Variants in CCDC171 observed in about 807,000 individuals in gnomAD.
The protein encoded by CCDC171 is coiled-coil domain containing 171.
Under a neutral mutation model 168.2 loss-of-function variants are expected in CCDC171, and 177 were observed. That is an observed-to-expected ratio of 1.05 (90% CI 0.93 to 1.19). CCDC171 has a LOEUF of 1.19. CCDC171 is among the 50% of genes most tolerant of loss of function. CCDC171 has a pLI of 0.00. For missense variants in CCDC171, 1,991 were observed against 1,539.0 expected (o/e 1.29, Z -4.91); for synonymous variants, 687 against 540.8 (o/e 1.27, Z -3.75).
In CCDC171 at chr9:15,646,563, C is replaced by T. The variant is rs372639021; in HGVS notation, c.823-10564C>T. 4.7e-4 allele frequency among the ~76,000 whole-genome samples: 72 copies of T among 151,960 alleles called. 1 individual carries two copies. Among genetic ancestry groups the T allele is most frequent in the African/African-American group, 1.6e-3 (68 of 41,436 alleles). On this transcript the variant is annotated intron_variant, in intron 7 of 25. Transcript: ENST00000380701. ...AATGAAGGGATGGAGGAAGATCTAC[C>T]AAGAAAATGGAAAAGAAAAAAAGTG...
intron 24 of CCDC171, among the ~76,000 whole-genome samples, chr9:15,895,584 A>T (rs1413266441): frequency 6.6e-6 from 1 of 152,098 alleles, no homozygotes; most frequent in Non-Finnish European, 1.5e-5. Flanking sequence ...AAGCAGCTCT[A>T]ATAATCTTCA....
At chr9:15,843,657 T>G (rs1450463511) in intron 21 of CCDC171, among the ~76,000 whole-genome samples, 1 of 152,124 alleles carries the variant, frequency 6.6e-6, no homozygotes, top group Non-Finnish European at 1.5e-5. Context: ...CTTATCTTCC[T>G]TTCTACCTAA....
rs763305436 is a variant in CCDC171, at chr9:15,744,461, C to T, written c.2238C>T (p.Cys746=). ...GALYPLYSRS[C]ALSTQRDFLQ... ...TATATCCCCTCTATAGCCGATCATGCGCCTTGTCTACACAGAGAGATTTTC... is the reference window on the plus strand; with the variant it reads ...TATATCCCCTCTATAGCCGATCATGTGCCTTGTCTACACAGAGAGATTTTC... The change falls in exon 17 of 26, where the codon TGC becomes TGT. Residue 746 remains cysteine, a synonymous_variant. Transcript: ENST00000380701. The T allele has an allele frequency of 4.0e-5, 65 of 1,613,942 alleles. No homozygotes were observed. The highest frequency in any genetic ancestry group is 4.7e-5 in the Non-Finnish European group (55 of 1,180,008).
chr9:15,558,133 G>A (rs1460234146), intron 1 of CCDC171, among the ~76,000 whole-genome samples: 1 of 152,050 alleles, frequency 6.6e-6, no homozygotes, highest in African/African-American at 2.4e-5. Context: ...TGCTGGATTT[G>A]GTTTGCCAGT....
At chr9:15,637,517 A>G (rs200575262) in intron 7 of CCDC171, among the ~76,000 whole-genome samples, 13 of 151,554 alleles carry the variant, frequency 8.6e-5, no homozygotes, top group Non-Finnish European at 1.8e-4. Context: ...TGTGCACAAT[A>G]TGCCGGTTAG....
chr9:15,932,078 A>C (rs963858353), intron 25 of CCDC171, among the ~76,000 whole-genome samples: 3 of 151,894 alleles, frequency 2.0e-5, no homozygotes, highest in African/African-American at 7.2e-5. Flanking sequence ...TGTTTTGGCT[A>C]TTCAGGGTTT....
rs181966028 is a variant in CCDC171 at position 15,691,818 on chromosome 9, C to G, written c.1216-3417C>G. Among the ~76,000 whole-genome samples, 258 of 152,110 alleles carry G rather than the reference C, an allele frequency of 1.7e-3. 4 individuals carry two copies. Among genetic ancestry groups the G allele is most frequent in the Admixed American group, 0.013 (196 of 15,262 alleles). ...CAACCTGCTGAGTAACTGGGACCTA[C>G]AGGCATGTGCCACCATGGCTGTCTG... On this transcript the variant is annotated intron_variant, in intron 10 of 25. Transcript: ENST00000380701.
At chr9:15,639,583 TA>T (rs1206379508) in intron 7 of CCDC171, among the ~76,000 whole-genome samples, 1 of 152,048 alleles carries the variant, frequency 6.6e-6, no homozygotes, top group African/African-American at 2.4e-5. Flanking sequence ...TCTTGCTGAA[TA>T]AAAAAATTAC....
In CCDC171 at chr9:16,019,029, G is replaced by A. The variant is rs150492000; in HGVS notation, n.369-1560G>A. ...GGAAGACTAAATCTAAAGAAGTAGTGGATTCATTTAAGAAAACAGGAACAA... is the reference window on the plus strand; with the variant it reads ...GGAAGACTAAATCTAAAGAAGTAGTAGATTCATTTAAGAAAACAGGAACAA... On this transcript the variant is annotated intron_variant and non_coding_transcript_variant, in intron 3 of 9. Transcript: ENST00000486641. Among the ~76,000 whole-genome samples the A allele has an allele frequency of 7.7e-4, 118 of 152,306 alleles. 1 individual carries two copies. The highest frequency in any genetic ancestry group is 2.6e-3 in the African/African-American group (110 of 41,562).
intron 7 of CCDC171, among the ~76,000 whole-genome samples, chr9:15,626,503 A>T (rs1000863436): frequency 1.3e-5 from 2 of 152,166 alleles, no homozygotes; most frequent in Non-Finnish European, 2.9e-5. Context: ...TACCTAGTTT[A>T]TTGAGAGTTT....
intron 25 of CCDC171, among the ~76,000 whole-genome samples, chr9:15,964,261 T>G (rs911400507): frequency 6.6e-6 from 1 of 152,214 alleles, no homozygotes; most frequent in Non-Finnish European, 1.5e-5. Context: ...TTCATGAGCC[T>G]TTTGTAAATT....
chr9:15,705,076 C>CTTAAG (rs1284794801), intron 11 of CCDC171, among the ~76,000 whole-genome samples: 9 of 137,202 alleles, frequency 6.6e-5, no homozygotes, highest in Non-Finnish European at 1.4e-4. Context: ...GCTAATAGAT[C>CTTAAG]TTAAGTATCC....
At chr9:15,627,701 G>A (rs1046353417) in intron 7 of CCDC171, among the ~76,000 whole-genome samples, 1 of 152,158 alleles carries the variant, frequency 6.6e-6, no homozygotes, top group Non-Finnish European at 1.5e-5. Flanking sequence ...TATAATTTCT[G>A]TTCTTTTATA....
chr9:15,678,126 G>A (rs1024012549), intron 9 of CCDC171, among the ~76,000 whole-genome samples: 25 of 151,028 alleles, frequency 1.7e-4, no homozygotes, highest in African/African-American at 5.8e-4. Context: ...GCCCAGGCTG[G>A]TCTTAAACTC....
At chr9:15,897,902 C>A (rs538511652) in intron 24 of CCDC171, among the ~76,000 whole-genome samples, 1 of 152,276 alleles carries the variant, frequency 6.6e-6, no homozygotes, top group South Asian at 2.1e-4. Flanking sequence ...ATTGGACAGG[C>A]ATGGATTTGA....
intron 21 of CCDC171, among the ~76,000 whole-genome samples, chr9:15,803,449 G>C (rs1354059367): frequency 6.6e-6 from 1 of 151,884 alleles, no homozygotes; most frequent in Non-Finnish European, 1.5e-5. Context: ...TATGGTATAA[G>C]GAAGAGGTCC....
chr9:16,098,317 C>T, the CCDC171 span, among the ~76,000 whole-genome samples: 1 of 152,182 alleles, frequency 6.6e-6, no homozygotes, highest in Non-Finnish European at 1.5e-5. Flanking sequence ...TGGGTCAAAA[C>T]AAATGGTCTC....
At chr9:15,588,087 T>C (rs1013923927) in intron 4 of CCDC171, among the ~76,000 whole-genome samples, 1 of 151,718 alleles carries the variant, frequency 6.6e-6, no homozygotes, top group African/African-American at 2.4e-5. Context: ...ATACAAAAAT[T>C]AGCCAGGCGT....
At chr9:15,730,021 T>C (rs1483308673) in intron 16 of CCDC171, among the ~76,000 whole-genome samples, 25 of 152,036 alleles carry the variant, frequency 1.6e-4, no homozygotes. Flanking sequence ...AATATATGGG[T>C]TTCTGATTAA....
Sources: gnomAD v4.1 joint callset for allele counts (sites outside exome capture counted in the v4.1 genomes callset) on GRCh38, gnomAD v4.1.1 for gene constraint, MANE v1.5 for transcripts, NCBI Gene and HGNC (gene_info 2026-07-23, HGNC 2026-07-21) for gene names.